The following PPP2R5C variants were observed in gnomAD, a reference collection of about 807,000 sequenced individuals.
The protein encoded by PPP2R5C is serine/threonine-protein phosphatase 2A 56 kDa regulatory subunit gamma isoform.
PPP2R5C carries 7 observed loss-of-function variants against 68.9 expected under a neutral mutation model. The observed-to-expected ratio is 0.10, with a 90% confidence interval of 0.06 to 0.19. The LOEUF (loss-of-function observed/expected upper bound fraction) is 0.19, where lower values mean the gene tolerates loss of function less well. Among genes scored for constraint, PPP2R5C ranks in the 10% least tolerant of loss-of-function variants. The pLI is 1.00. For missense variants in PPP2R5C, 348 were observed against 641.3 expected, an observed-to-expected ratio of 0.54 and a Z score of 4.94; for synonymous variants, 210 against 222.2, an observed-to-expected ratio of 0.95 and a Z score of 0.49.
At chr14:101,836,429 A>G (rs1473464474) in intron 1 of PPP2R5C, 4 of 699,354 alleles carry the variant, frequency 5.7e-6, no homozygotes, top group Non-Finnish European at 1.0e-5. Flanking sequence ...AATCACACAC[A>G]CTGTCGTAGC....
rs970184845 is a variant in PPP2R5C, at chr14:101,891,032, A to G, written c.689+736A>G. 6.6e-6 allele frequency among the ~76,000 whole-genome samples: 1 copy of G among 152,092 alleles called. No individual in the cohort carries two copies. The highest frequency in any genetic ancestry group is 1.5e-5 in the Non-Finnish European group (1 of 68,008). ...AGGTGATCTGCCCGCCTCACCTCCC[A>G]AAGTGCTGAGATTACAGGCATGAGC... On this transcript the variant is annotated intron_variant, in intron 6 of 13. Coordinates refer to ENST00000334743, the Ensembl canonical transcript of PPP2R5C. This position sits in a 1 kb window ranked among gnomAD's most constrained non-coding sequence, Gnocchi z 4.9.
At chr14:101,909,726 AT>A (rs756132815) in intron 11 of PPP2R5C, 36 bp downstream of exon 13, 12 of 1,488,198 alleles carry the variant, frequency 8.1e-6, no homozygotes, top group Non-Finnish European at 2.8e-6. Flanking sequence ...TGTTTCCAGG[AT>A]TTTTTTCTTA....
At chr14:101,778,503 C>T (rs2037527920) in intron 2 of PPP2R5C, among the ~76,000 whole-genome samples, 1 of 152,088 alleles carries the variant, frequency 6.6e-6, no homozygotes, top group Non-Finnish European at 1.5e-5. Context: ...GAAGCTTTAC[C>T]TTTGTATTCT....
At chr14:101,794,051 G>A (rs1322943507) in intron 3 of PPP2R5C, among the ~76,000 whole-genome samples, 3 of 152,198 alleles carry the variant, frequency 2.0e-5, no homozygotes, top group African/African-American at 7.2e-5. Flanking sequence ...CACGGGGCAA[G>A]CCATGGGTGG....
chr14:101,887,285 C>T (rs931408848), intron 5 of PPP2R5C, among the ~76,000 whole-genome samples: 10 of 152,214 alleles, frequency 6.6e-5, no homozygotes, highest in African/African-American at 2.4e-4. Context: ...GCATAACCAG[C>T]CATGGGTCAT....
intron 3 of PPP2R5C, among the ~76,000 whole-genome samples, chr14:101,790,174 C>T (rs1413675773): frequency 6.6e-6 from 1 of 152,124 alleles, no homozygotes; most frequent in Non-Finnish European, 1.5e-5. Flanking sequence ...TTTAAAGCCA[C>T]GTATTCATTC....
At chr14:101,923,805 A>ATTTGTTGTCAAAAGACTGC (rs2047141037) in intron 13 of PPP2R5C, among the ~76,000 whole-genome samples, 1 of 149,524 alleles carries the variant, frequency 6.7e-6, no homozygotes, top group African/African-American at 2.5e-5. Flanking sequence ...AAAAATTTGA[A>ATTTGTTGTCAAAAGACTGC]CTTTACATTC....
chr14:101,775,544 G>A (rs1347898045), intron 2 of PPP2R5C, among the ~76,000 whole-genome samples: 3 of 152,168 alleles, frequency 2.0e-5, no homozygotes, highest in East Asian at 1.9e-4. Context: ...CTAATGGGGC[G>A]TTGTCCCTGA....
rs183021692 is a variant in PPP2R5C at position 101,904,296 on chromosome 14, C to A, written c.1024-2106C>A. ...TCCCAAGTAGCTGGGACTACAGGCG[C>A]CTGCCACCACACCTGGCTGATTTTT... On this transcript the variant is annotated intron_variant, in intron 9 of 13. Coordinates refer to ENST00000334743, the Ensembl canonical transcript of PPP2R5C. Among the ~76,000 whole-genome samples the A allele has an allele frequency of 5.9e-3, 892 of 152,170 alleles. 3 individuals are homozygous for A. Among genetic ancestry groups the A allele is most frequent in the Non-Finnish European group, 8.4e-3 (571 of 67,990 alleles).
intron 2 of PPP2R5C, among the ~76,000 whole-genome samples, chr14:101,871,389 G>A (rs1020363640): frequency 5.9e-5 from 9 of 151,896 alleles, no homozygotes; most frequent in Admixed American, 5.9e-4. Context: ...GACTACAGGC[G>A]CCCACCACCA....
Position 101,890,316 on chromosome 14 carries a change from A to G in PPP2R5C, c.689+20A>G, listed in dbSNP as rs755057464. On this transcript the variant is annotated intron_variant, in intron 6 of 13. Transcript: ENST00000334743. ...GGGAAGGTAAGCCTCTGTTATGGGT[A>G]GCAAACGGCTGTAGATGGAATTTAT... The G allele has an allele frequency of 9.3e-6, 15 of 1,606,720 alleles. No homozygotes were observed. In the African/African-American group the frequency reaches 1.9e-4, roughly 20 times the overall value.
intron 3 of PPP2R5C, among the ~76,000 whole-genome samples, chr14:101,790,497 T>C (rs2038308247): frequency 2.0e-5 from 3 of 152,346 alleles, no homozygotes; most frequent in South Asian, 4.1e-4. Flanking sequence ...ACACTTCATA[T>C]AAGCGAAGTC....
intron 8 of PPP2R5C, 78 bp from the exon 11 acceptor site, chr14:101,901,641 T>G: frequency 6.7e-7 from 1 of 1,487,104 alleles, no homozygotes. Flanking sequence ...GCCACCGCAG[T>G]GAAAACACAG....
At chr14:101,764,161 G>A (rs973524133) in intron 2 of PPP2R5C, among the ~76,000 whole-genome samples, 14 of 152,240 alleles carry the variant, frequency 9.2e-5, no homozygotes, top group African/African-American at 3.4e-4. Flanking sequence ...CCTTCACACC[G>A]TGAAGTGCCT....
At position 101,899,637 on chromosome 14, in the gene PPP2R5C, C is replaced by T. The variant is rs1348710696; in HGVS notation, c.853-2082C>T. Among the ~76,000 whole-genome samples the T allele has an allele frequency of 6.6e-6, 1 of 152,214 alleles. No homozygotes were observed. Among genetic ancestry groups the T allele is most frequent in the East Asian group, 1.9e-4 (1 of 5,204 alleles). On this transcript the variant is annotated intron_variant, in intron 8 of 13. Coordinates refer to ENST00000334743, the Ensembl canonical transcript of PPP2R5C. The surrounding 1 kb of genome is among the most constrained non-coding windows in gnomAD (Gnocchi z 4.2). ...TTGTGTTGTATAGTTCACAAATTAA[C>T]ATATTTCTCCTAATAAAATTCCATT...
chr14:101,790,999 G>C (rs2038335043), intron 3 of PPP2R5C, among the ~76,000 whole-genome samples: 1 of 152,170 alleles, frequency 6.6e-6, no homozygotes, highest in Admixed American at 6.5e-5. Flanking sequence ...AGAATTGCTT[G>C]AACCTGGGAA....
At chr14:101,876,592 A>G (rs2043795225) in intron 2 of PPP2R5C, among the ~76,000 whole-genome samples, 1 of 152,204 alleles carries the variant, frequency 6.6e-6, no homozygotes, top group African/African-American at 2.4e-5. Context: ...GGGCCATTCT[A>G]GTTTACATCT....
intron 2 of PPP2R5C, among the ~76,000 whole-genome samples, chr14:101,875,680 AG>A (rs1263693912): frequency 2.6e-5 from 4 of 152,222 alleles, no homozygotes; most frequent in African/African-American, 4.8e-5. Flanking sequence ...AAATGGGGAA[AG>A]GGGTAGTATC....
chr14:101,879,625 CCT>C lies in PPP2R5C; in HGVS notation c.295-2535_295-2534del, dbSNP rs2044025553. Among the ~76,000 whole-genome samples the C allele has an allele frequency of 6.6e-6, 1 of 152,208 alleles. No individual in the cohort carries two copies. Among genetic ancestry groups the C allele is most frequent in the South Asian group, 2.1e-4 (1 of 4,822 alleles). On this transcript the variant is annotated intron_variant, in intron 2 of 13. Coordinates refer to ENST00000334743, the Ensembl canonical transcript of PPP2R5C. This position sits in a 1 kb window ranked among gnomAD's most constrained non-coding sequence, Gnocchi z 4.2. ...TGCCCTCCCCACACTGTGCTCTGCC[CCT>C]GTCGGCACCAGGCCGGGCCCACAGC...
Sources: allele counts gnomAD v4.1 joint callset (sites outside exome capture counted in the v4.1 genomes callset), GRCh38; gene constraint gnomAD v4.1.1; non-coding constraint Gnocchi (gnomAD v3.1); transcripts MANE v1.5; gene names NCBI Gene and HGNC (gene_info 2026-07-23, HGNC 2026-07-21).